FHOD3: variants seen among roughly 807,000 people sequenced by gnomAD.
FHOD3 encodes the protein FH1/FH2 domain-containing protein 3.
In FHOD3, 90 loss-of-function variants were observed where a neutral mutation model predicts 173.0. That is an observed-to-expected ratio of 0.52 (90% CI 0.44 to 0.62). The LOEUF (loss-of-function observed/expected upper bound fraction) is 0.62, where lower values mean the gene tolerates loss of function less well. Ranked by LOEUF, FHOD3 falls within the 20% of genes least tolerant of loss-of-function variation. The pLI is 0.00. For synonymous variants in FHOD3, 828 were observed against 823.0 expected (o/e 1.01, Z -0.10); for missense variants, 1,945 against 2,034.7 (o/e 0.96, Z 0.85).
chr18:36,619,302 G>T (rs2033504895), intron 9 of FHOD3, among the ~76,000 whole-genome samples: 1 of 152,130 alleles, frequency 6.6e-6, no homozygotes, highest in African/African-American at 2.4e-5. Flanking sequence ...GACTGTATCT[G>T]ACATGACCAC....
intron 3 of FHOD3, among the ~76,000 whole-genome samples, chr18:36,423,109 G>A (rs913320969): frequency 9.1e-5 from 1 of 11,020 alleles, no homozygotes; most frequent in African/African-American, 4.2e-4. Flanking sequence ...CCCGGCCCTC[G>A]ATTCACACCC....
At chr18:36,536,339 G>A (rs967477069) in intron 5 of FHOD3, among the ~76,000 whole-genome samples, 2 of 152,138 alleles carry the variant, frequency 1.3e-5, no homozygotes, top group East Asian at 1.9e-4. Context: ...AGAACTTTGC[G>A]ACACTTTGAT....
intron 6 of FHOD3, among the ~76,000 whole-genome samples, chr18:36,583,214 C>T (rs904445119): frequency 6.6e-6 from 1 of 152,182 alleles, no homozygotes; most frequent in South Asian, 2.1e-4. Flanking sequence ...GACCATCCAG[C>T]TGTGTTTCTT....
chr18:36,726,188 T>G (rs1391718157), intron 19 of FHOD3, among the ~76,000 whole-genome samples: 1 of 151,292 alleles, frequency 6.6e-6, no homozygotes, highest in Non-Finnish European at 1.5e-5. Context: ...TATATATAAT[T>G]AGATAAGAGA....
intron 3 of FHOD3, among the ~76,000 whole-genome samples, chr18:36,469,181 C>G (rs572666423): frequency 1.3e-5 from 2 of 152,234 alleles, no homozygotes; most frequent in South Asian, 4.1e-4. Flanking sequence ...AACCCCAGCC[C>G]CCATCCTATC....
At chr18:36,705,899 C>A (rs981272060) in intron 17 of FHOD3, among the ~76,000 whole-genome samples, 1 of 151,594 alleles carries the variant, frequency 6.6e-6, no homozygotes, top group Admixed American at 6.6e-5. Context: ...CGTTTTCCTG[C>A]ATTTTCCCAG....
At position 36,764,813 on chromosome 18, in the gene FHOD3, C is replaced by G. The variant is rs144072682; in HGVS notation, c.4624+4031C>G. On this transcript the variant is annotated intron_variant, in intron 27 of 28. Transcript: ENST00000590592. ...CATGTGTTATGGAGTGGCAAGCCACCCACCTGCTACAACAACTAGAAGTAA... is the reference window on the plus strand; with the variant it reads ...CATGTGTTATGGAGTGGCAAGCCACGCACCTGCTACAACAACTAGAAGTAA... Among the ~76,000 whole-genome samples, 189 of 152,142 alleles carry G rather than the reference C, an allele frequency of 1.2e-3. 1 individual carries two copies. The highest frequency in any genetic ancestry group is 4.5e-3 in the African/African-American group (186 of 41,496).
At chr18:36,595,702 A>G (rs1384586994) in intron 7 of FHOD3, among the ~76,000 whole-genome samples, 1 of 152,146 alleles carries the variant, frequency 6.6e-6, no homozygotes, top group Non-Finnish European at 1.5e-5. Flanking sequence ...GCGAAGAACG[A>G]GCTTCTGCTC....
intron 16 of FHOD3, among the ~76,000 whole-genome samples, chr18:36,687,622 C>G (rs1391316164): frequency 6.6e-6 from 1 of 152,236 alleles, no homozygotes; most frequent in African/African-American, 2.4e-5. Flanking sequence ...TACCTGTCTC[C>G]CTACTGAACT....
At chr18:36,610,609 A>C (rs975334354) in intron 8 of FHOD3, among the ~76,000 whole-genome samples, 7 of 152,206 alleles carry the variant, frequency 4.6e-5, no homozygotes, top group Admixed American at 2.0e-4. Context: ...AATAGCAGTG[A>C]CTGGTGTCCT....
chr18:36,536,321 T>C (rs1398502754), intron 5 of FHOD3, among the ~76,000 whole-genome samples: 1 of 152,238 alleles, frequency 6.6e-6, no homozygotes, highest in Non-Finnish European at 1.5e-5. Context: ...CACAGTCTCT[T>C]AGTATTTAGA....
intron 3 of FHOD3, among the ~76,000 whole-genome samples, chr18:36,408,655 G>T (rs185290308): frequency 1.2e-4 from 19 of 152,272 alleles, no homozygotes; most frequent in African/African-American, 4.6e-4. Context: ...TGGAGCAGGG[G>T]TTGGACAGCC....
chr18:36,682,362 A>C (rs2038307106), intron 15 of FHOD3, among the ~76,000 whole-genome samples: 6 of 149,976 alleles, frequency 4.0e-5, no homozygotes, highest in African/African-American at 4.9e-5. Flanking sequence ...TTTCTTCCCC[A>C]CCTCCTCCTA....
At chr18:36,604,705 G>A (rs533232701) in intron 8 of FHOD3, among the ~76,000 whole-genome samples, 10 of 152,222 alleles carry the variant, frequency 6.6e-5, no homozygotes, top group South Asian at 2.1e-4. Flanking sequence ...GGTTGGTAAC[G>A]TTTATTTTAA....
chr18:36,439,391 G>A (rs543651040), intron 3 of FHOD3, among the ~76,000 whole-genome samples: 2 of 152,286 alleles, frequency 1.3e-5, no homozygotes, highest in East Asian at 3.9e-4. Context: ...TTTAGCAGAG[G>A]AGTCAATGAC....
chr18:36,383,874 T>A (rs1426515229), intron 3 of FHOD3, among the ~76,000 whole-genome samples: 1 of 152,210 alleles, frequency 6.6e-6, no homozygotes, highest in Non-Finnish European at 1.5e-5. Context: ...CAGGGTGTTG[T>A]GTTCAACCTC....
chr18:36,701,534 C>T (rs80033186), intron 17 of FHOD3, among the ~76,000 whole-genome samples: 1,912 of 152,178 alleles, frequency 0.013, 46 homozygotes, highest in African/African-American at 0.044. Flanking sequence ...ATTTAAATAG[C>T]GCTTTTAATC....
chr18:36,688,488 T>C (rs188581142), intron 16 of FHOD3, among the ~76,000 whole-genome samples: 21 of 152,318 alleles, frequency 1.4e-4, no homozygotes, highest in Admixed American at 1.4e-3. Context: ...TTGATTATTG[T>C]CATCCTAATA....
chr18:36,748,384 C>CA (rs2042252771), intron 24 of FHOD3, among the ~76,000 whole-genome samples: 2 of 89,004 alleles, frequency 2.2e-5, no homozygotes, highest in East Asian at 5.1e-4. Flanking sequence ...ACACACACAA[C>CA]ACACACACAC....
Sources: allele counts gnomAD v4.1 joint callset (sites outside exome capture counted in the v4.1 genomes callset), GRCh38; gene constraint gnomAD v4.1.1; transcripts MANE v1.5; gene names NCBI Gene and HGNC (gene_info 2026-07-23, HGNC 2026-07-21).